TMC7: variants seen among roughly 807,000 people sequenced by gnomAD.
The protein encoded by TMC7 is transmembrane channel-like protein 7.
A neutral mutation model predicts 82.9 loss-of-function variants in TMC7; 54 were observed. The ratio of observed to expected loss-of-function variants is 0.65; its 90% confidence interval spans 0.52 to 0.82. The LOEUF (loss-of-function observed/expected upper bound fraction) is 0.82. Ranked by LOEUF, TMC7 falls within the 40% of genes least tolerant of loss-of-function variation. The pLI is 0.00. For missense variants in TMC7, 820 were observed against 901.2 expected (o/e 0.91, Z 1.15); for synonymous variants, 350 against 337.9 (o/e 1.04, Z -0.39).
intron 2 of TMC7, among the ~76,000 whole-genome samples, chr16:19,010,502 G>A (rs1959263573): frequency 6.6e-6 from 1 of 152,122 alleles, no homozygotes; most frequent in African/African-American, 2.4e-5. Flanking sequence ...GTCAGTGGGG[G>A]ACTTTGCAGC....
chr16:19,050,579 C>G (rs1315135360), intron 12 of TMC7, among the ~76,000 whole-genome samples: 1 of 151,994 alleles, frequency 6.6e-6, no homozygotes, highest in African/African-American at 2.4e-5. Context: ...GCCTCAACCT[C>G]CTGGGCTCAA....
At chr16:19,052,663 AC>A (rs1404728523) in intron 13 of TMC7, among the ~76,000 whole-genome samples, 3 of 152,204 alleles carry the variant, frequency 2.0e-5, no homozygotes, top group African/African-American at 7.2e-5. Context: ...AAACAAAAAA[AC>A]AAACAAAAAA....
intron 9 of TMC7, among the ~76,000 whole-genome samples, chr16:19,042,892 C>A (rs796449609): frequency 9.2e-5 from 14 of 151,838 alleles, no homozygotes; most frequent in African/African-American, 3.4e-4. Flanking sequence ...GACTACAGGC[C>A]CCCGCCACCA....
intron 5 of TMC7, among the ~76,000 whole-genome samples, chr16:19,027,692 T>C (rs765046090): frequency 5.3e-5 from 8 of 151,932 alleles, no homozygotes; most frequent in Non-Finnish European, 1.0e-4. Context: ...TTTGGGAGAG[T>C]TGAAAGGAGA....
chr16:19,008,330 G>A (rs1003313934), intron 1 of TMC7, among the ~76,000 whole-genome samples: 3 of 152,152 alleles, frequency 2.0e-5, no homozygotes, highest in Non-Finnish European at 2.9e-5. Flanking sequence ...AAACGATAAG[G>A]GTTTTGGAGT....
chr16:18,994,418 A>G (rs1487227030), intron 1 of TMC7, among the ~76,000 whole-genome samples: 1 of 150,672 alleles, frequency 6.6e-6, no homozygotes, highest in Non-Finnish European at 1.5e-5. Context: ...GTGCCACTGC[A>G]CTCCAGCCTG....
In TMC7 at chr16:19,030,273, G is replaced by T. The variant is rs4072393; in HGVS notation, c.761G>T (p.Gly254Val). 6.2e-7 allele frequency: 1 copy of T among 1,613,010 alleles called. No homozygotes were observed. The highest frequency in any genetic ancestry group is 1.1e-5 in the South Asian group (1 of 90,976). The part of the protein sequence containing the change: ...SLFYGHYTID[G>V]VKFQNFTYDL... Reference sequence around the variant, plus strand: ...TTTTACGGACATTACACCATTGATGGGGTGAAATTTCAGAACTTCACCTAT... The same window carrying T: ...TTTTACGGACATTACACCATTGATGTGGTGAAATTTCAGAACTTCACCTAT... Residue 254 changes from glycine (G) to valine (V), a missense_variant, in exon 6 of 16, where the codon GGG (glycine) becomes GTG (valine). Transcript: ENST00000304381.
intron 2 of TMC7, among the ~76,000 whole-genome samples, chr16:19,010,066 C>CTTCCTTTCCTTTCCT (rs566370782): frequency 8.6e-6 from 1 of 115,844 alleles, no homozygotes; most frequent in African/African-American, 3.2e-5. Flanking sequence ...CTTTCTTCTT[C>CTTCCTTTCCTTTCCT]TTCCTTTCCT....
At chr16:18,996,643 T>C (rs2039047817) in intron 1 of TMC7, among the ~76,000 whole-genome samples, 1 of 152,018 alleles carries the variant, frequency 6.6e-6, no homozygotes, top group African/African-American at 2.4e-5. Flanking sequence ...GAAGGGGGAA[T>C]GGAGGGCGGA....
At chr16:19,013,440 C>T (rs1019282117) in intron 2 of TMC7, among the ~76,000 whole-genome samples, 4 of 152,044 alleles carry the variant, frequency 2.6e-5, no homozygotes, top group East Asian at 1.9e-4. Flanking sequence ...TGGTCTCAAA[C>T]TCCCGACCTC....
chr16:19,009,958 G>C (rs2039309004), intron 2 of TMC7, among the ~76,000 whole-genome samples: 1 of 135,852 alleles, frequency 7.4e-6, no homozygotes, highest in Non-Finnish European at 1.6e-5. Context: ...AAAAAAAAAA[G>C]AAGTTTCTTT....
intron 6 of TMC7, among the ~76,000 whole-genome samples, chr16:19,030,923 C>A (rs1331066133): frequency 1.3e-5 from 2 of 152,100 alleles, no homozygotes; most frequent in Admixed American, 1.3e-4. Flanking sequence ...TCCCACCCCA[C>A]TGCACACATA....
chr16:18,986,422 G>A (rs2038850346), intron 1 of TMC7, among the ~76,000 whole-genome samples: 2 of 151,542 alleles, frequency 1.3e-5, no homozygotes, highest in South Asian at 4.2e-4. Context: ...TGGGTATGGC[G>A]GCATGTGCCT....
chr16:18,987,052 G>A (rs7195478), intron 1 of TMC7, among the ~76,000 whole-genome samples: 44,805 of 151,878 alleles, frequency 0.3, 7,058 homozygotes, highest in Non-Finnish European at 0.36. Flanking sequence ...TGATCCGCCC[G>A]CCTGGGCCTC....
intron 1 of TMC7, among the ~76,000 whole-genome samples, chr16:19,003,457 G>A (rs1403554220): frequency 6.7e-6 from 1 of 149,522 alleles, no homozygotes; most frequent in Non-Finnish European, 1.5e-5. Context: ...GGAGGTGAGG[G>A]GCGCCTCTGC....
At chr16:19,056,769 G>A (rs1040942161) in intron 14 of TMC7, 72 bp downstream of exon 14, 21 of 1,537,380 alleles carry the variant, frequency 1.4e-5, no homozygotes, top group African/African-American at 2.7e-5. Flanking sequence ...CGGTCGGGGC[G>A]GGGTCACCCT....
intron 13 of TMC7, among the ~76,000 whole-genome samples, chr16:19,052,720 T>C (rs991297785): frequency 8.8e-6 from 1 of 114,104 alleles, no homozygotes; most frequent in African/African-American, 3.6e-5. Context: ...GATTTTGTTC[T>C]TTTTTTTTAT....
chr16:19,029,051 G>A (rs1960371400), intron 5 of TMC7, among the ~76,000 whole-genome samples: 2 of 150,532 alleles, frequency 1.3e-5, no homozygotes, highest in South Asian at 4.2e-4. Context: ...TGTCACCCAG[G>A]CTGGAGTGCA....
chr16:19,035,767 A>G lies in TMC7; in HGVS notation c.949A>G (p.Ile317Val). The stretch of plus-strand genomic sequence containing the variant: ...GATATTTGCCGGCTGGGACTTCTGC[A>G]TCACTAACCGCAGCATGGCGGATCT... ...NKIFAGWDFCITNRSMADLKH... is the reference protein window; with the variant it reads ...NKIFAGWDFCVTNRSMADLKH... The change falls in exon 7 of 16, where the codon ATC becomes GTC. Residue 317 changes from isoleucine (I) to valine (V), a missense_variant. Physicochemically the swap from Ile to Val is conservative, Grantham distance 29. This residue lies in a region of TMC7 where 650 missense variants were observed against 669.9 expected (regional missense o/e 0.97). Transcript: ENST00000304381. 1.9e-6 allele frequency: 3 copies of G among 1,613,248 alleles called. No individual in the cohort carries two copies. Among genetic ancestry groups the G allele is most frequent in the East Asian group, 4.5e-5 (2 of 44,842 alleles).
Sources: allele counts gnomAD v4.1 joint callset (sites outside exome capture counted in the v4.1 genomes callset), GRCh38; gene constraint gnomAD v4.1.1; regional missense constraint gnomAD v4.1.1; transcripts MANE v1.5; gene names NCBI Gene and HGNC (gene_info 2026-07-23, HGNC 2026-07-21).